The following COL6A3 variants were observed in gnomAD, a reference collection of about 807,000 sequenced individuals.
COL6A3 encodes collagen type VI alpha 3 chain.
A neutral mutation model predicts 274.1 loss-of-function variants in COL6A3; 137 were observed. The ratio of observed to expected loss-of-function variants is 0.50; its 90% CI spans 0.44 to 0.58. The LOEUF (loss-of-function observed/expected upper bound fraction) is 0.58, where lower values mean the gene tolerates loss of function less well. Ranked by LOEUF, COL6A3 falls within the 20% of genes least tolerant of loss-of-function variation. The pLI is 0.00. For missense variants in COL6A3, 3,950 were observed against 4,124.9 expected (o/e 0.96, Z 1.16); for synonymous variants, 1,650 against 1,650.6 (o/e 1.00, Z 0.01).
intron 42 of COL6A3, 97 bp from the exon 43 acceptor site, chr2:237,325,821 G>C (rs1218218525): frequency 1.4e-5 from 15 of 1,060,260 alleles, no homozygotes; most frequent in Non-Finnish European, 1.9e-5. Context: ...TACTGTGGCA[G>C]AAGGAAAAAA....
Position 237,361,199 on chromosome 2 carries a change from T to G in COL6A3, c.6157-25A>C, listed in dbSNP as rs887626374. 2 of 1,611,074 alleles carry G rather than the reference T, an allele frequency of 1.2e-6. No homozygotes were observed. Among genetic ancestry groups the G allele is most frequent in the African/African-American group, 2.7e-5 (2 of 74,870 alleles). ...CCTGAAACAAAGTAATCGGGTCCTC[T>G]GTTTAATCCCGTGGTCTTCTTTGCT... is the stretch of plus-strand genomic sequence containing the variant. On this transcript the variant is annotated intron_variant, in intron 15 of 43. Transcript: ENST00000295550. The surrounding 1 kb of genome is among the most constrained non-coding windows in gnomAD (Gnocchi z 5.1).
chr2:237,353,242 T>A, intron 25 of COL6A3, 99 bp downstream of exon 25: 1 of 1,202,456 alleles, frequency 8.3e-7, no homozygotes, highest in Non-Finnish European at 1.2e-6. Context: ...ATTGTTCACT[T>A]TAAAATGGTT....
intron 37 of COL6A3, among the ~76,000 whole-genome samples, chr2:237,341,413 G>T (rs111439101): frequency 6.6e-6 from 1 of 151,836 alleles, no homozygotes; most frequent in African/African-American, 2.4e-5. Context: ...GCCTGATGGC[G>T]CATGCCTGTA....
intron 1 of COL6A3, among the ~76,000 whole-genome samples, chr2:237,401,167 G>T (rs1246436975): frequency 1.3e-5 from 2 of 152,130 alleles, no homozygotes; most frequent in East Asian, 1.9e-4. Context: ...GGAAAGGCTA[G>T]CCTCCATCGT....
chr2:237,324,735 C>A lies in COL6A3; in HGVS notation c.*39G>T, dbSNP rs1699841149. 1 of 1,608,532 alleles carries A rather than the reference C, an allele frequency of 6.2e-7. No homozygotes were observed. The highest frequency in any genetic ancestry group is 1.3e-5 in the African/African-American group (1 of 74,694). On this transcript the variant is annotated 3_prime_UTR_variant, in exon 44 of 44. Coordinates refer to ENST00000295550, the MANE Select transcript of COL6A3 (RefSeq NM_004369.4). ...GAGACAAGTTGGCGATGGCTGACTCCTTCTTCTTCAAGAGGTATATGATGT... is the reference window on the plus strand; with the variant it reads ...GAGACAAGTTGGCGATGGCTGACTCATTCTTCTTCAAGAGGTATATGATGT...
Position 237,371,471 on chromosome 2 carries a change from A to G in COL6A3, c.4285+261T>C. On this transcript the variant is annotated intron_variant, in intron 9 of 43. Coordinates refer to ENST00000295550, the MANE Select transcript of COL6A3 (RefSeq NM_004369.4). The surrounding 1 kb of genome is among the most constrained non-coding windows in gnomAD (Gnocchi z 4.3). ...AAATTAGCCGGGCGTGGTGGTATGA[A>G]CCTGTAGTCCTAGCTACTGAGGAGG... is the stretch of plus-strand genomic sequence containing the variant. 1.8e-6 allele frequency: 1 copy of G among 565,240 alleles called. No homozygotes were observed. The highest frequency in any genetic ancestry group is 4.7e-5 in the South Asian group (1 of 21,304). The allele number at this position is 565,240 out of a possible 1,614,324, so 35.0% of individuals were successfully genotyped here. A position where few individuals can be genotyped will look rare whatever the true frequency, so the allele number is the denominator to read the frequency against.
At position 237,395,004 on chromosome 2, in the gene COL6A3, T is replaced by G. The variant is rs76646066; in HGVS notation, c.292A>C (p.Thr98Pro). 6.2e-7 allele frequency: 1 copy of G among 1,614,212 alleles called. No individual in the cohort carries two copies. The highest frequency in any genetic ancestry group is 8.5e-7 in the Non-Finnish European group (1 of 1,180,032). ...HTEFLLNTYR[T>P]KQEVLSHISN... ...ATATGAGAAAGGACTTCTTGTTTAG[T>G]ACGATACGTATTTAACAGGAACTCG... The change falls in exon 3 of 44, where the codon ACT (threonine) becomes CCT (proline). Residue 98 changes from threonine to proline, a missense_variant. By Grantham distance (38) the Thr-to-Pro change is conservative. This residue lies in a region of COL6A3 where 1,934 missense variants were observed against 1,984.3 expected (regional missense o/e 0.97). Coordinates refer to ENST00000295550, the MANE Select transcript of COL6A3 (RefSeq NM_004369.4).
chr2:237,347,916 A>G (rs376549394), intron 30 of COL6A3, 47 bp from the exon 31 acceptor site: 6 of 1,564,458 alleles, frequency 3.8e-6, no homozygotes, highest in Admixed American at 1.8e-5. Flanking sequence ...GGAACAGAAG[A>G]TCTCACTGAG....
intron 8 of COL6A3, among the ~76,000 whole-genome samples, chr2:237,372,959 G>A (rs1231750222): frequency 6.6e-6 from 1 of 152,200 alleles, no homozygotes; most frequent in Non-Finnish European, 1.5e-5. Context: ...AGAGGAAAGG[G>A]AGCTGAGGAA....
intron 1 of COL6A3, among the ~76,000 whole-genome samples, chr2:237,410,350 C>T (rs969549573): frequency 1.4e-5 from 2 of 146,980 alleles, no homozygotes; most frequent in East Asian, 2.0e-4. Context: ...GTCGCCCAGG[C>T]GCTGAAGTGC....
chr2:237,408,623 CAGT>C (rs1469569619), intron 1 of COL6A3, among the ~76,000 whole-genome samples: 1 of 152,196 alleles, frequency 6.6e-6, no homozygotes, highest in Non-Finnish European at 1.5e-5. Context: ...CTCTTCCTTC[CAGT>C]GACCAATTCC....
chr2:237,357,532 G>A, intron 22 of COL6A3, 141 bp from the exon 23 acceptor site: 2 of 871,490 alleles, frequency 2.3e-6, no homozygotes, highest in Admixed American at 1.7e-5. Context: ...CACTTTGCAG[G>A]ATGCACCGGA....
Position 237,381,068 on chromosome 2 carries a change from T to C in COL6A3, c.1744A>G (p.Ile582Val). 1 of 1,614,218 alleles carries C rather than the reference T, an allele frequency of 6.2e-7. No individual in the cohort carries two copies. The highest frequency in any genetic ancestry group is 8.5e-7 in the Non-Finnish European group (1 of 1,180,036). The change falls in exon 5 of 44, where the codon ATT becomes GTT. Residue 582 changes from isoleucine (I) to valine (V), a missense_variant. Physicochemically the swap from Ile to Val is conservative, Grantham distance 29 (BLOSUM62 3). Coordinates refer to ENST00000295550, the MANE Select transcript of COL6A3 (RefSeq NM_004369.4). Reference sequence around the variant, plus strand: ...GCCTGATCGGCACCCTTGTTCCCAATGGCAAAGGCCATTATGCTGCTTCTC... The same window carrying C: ...GCCTGATCGGCACCCTTGTTCCCAACGGCAAAGGCCATTATGCTGCTTCTC... ...LKRSSIMAFA[I>V]GNKGADQAEL...
At position 237,371,754 on chromosome 2, in the gene COL6A3, G is replaced by T; in HGVS notation, c.4263C>A (p.Ala1421=). The change falls in exon 9 of 44, where the codon GCC becomes GCA. Residue 1421 remains alanine, a synonymous_variant. Transcript: ENST00000295550. The surrounding 1 kb of genome is among the most constrained non-coding windows in gnomAD (Gnocchi z 4.3). ...LTSEQIQKLL[A]STRYPPPAVE... The stretch of plus-strand genomic sequence containing the variant: ...CACCTGGAGGTGGATAGCGAGTGCT[G>T]GCTAAGAGCTTCTGGATCTGCTCTG... 1 of 1,604,482 alleles carries T rather than the reference G, an allele frequency of 6.2e-7. No homozygotes were observed. Among genetic ancestry groups the T allele is most frequent in the South Asian group, 1.1e-5 (1 of 90,074 alleles).
intron 1 of COL6A3, among the ~76,000 whole-genome samples, chr2:237,402,863 T>C (rs915586825): frequency 6.6e-6 from 1 of 152,206 alleles, no homozygotes; most frequent in Admixed American, 6.5e-5. Context: ...CCCCATGGGC[T>C]CTGCAAGTCT....
intron 1 of COL6A3, among the ~76,000 whole-genome samples, chr2:237,406,086 T>A (rs2078711952): frequency 6.6e-6 from 1 of 152,192 alleles, no homozygotes; most frequent in Non-Finnish European, 1.5e-5. Flanking sequence ...AGGTGCCTTT[T>A]TCCGTTTAGT....
intron 31 of COL6A3, among the ~76,000 whole-genome samples, chr2:237,347,204 G>A (rs1042037736): frequency 6.6e-6 from 1 of 152,022 alleles, no homozygotes; most frequent in Non-Finnish European, 1.5e-5. Context: ...GATCCCAGGA[G>A]ATGGAGGTTG....
At position 237,336,161 on chromosome 2, in the gene COL6A3, G is replaced by A. The variant is rs1286632582; in HGVS notation, c.8939C>T (p.Thr2980Ile). The part of the protein sequence containing the change: ...PRPQAAKPAA[T>I]KPATTKPMVK... ...CATGGGCTTAGTGGTGGCTGGCTTG[G>A]TGGCAGCTGGTTTGGCTGCCTGTGG... Residue 2980 changes from threonine to isoleucine, a missense_variant, in exon 40 of 44, where the codon ACC becomes ATC. Thr to Ile is a moderately conservative substitution (Grantham distance 89, BLOSUM62 -1). This residue lies in a region of COL6A3 where 1,284 missense variants were observed against 1,349.7 expected (regional missense o/e 0.95). Coordinates refer to ENST00000295550, the MANE Select transcript of COL6A3 (RefSeq NM_004369.4). The A allele has an allele frequency of 6.8e-6, 11 of 1,613,328 alleles. No homozygotes were observed. Among genetic ancestry groups the A allele is most frequent in the Admixed American group, 5.0e-5 (3 of 60,008 alleles).
chr2:237,344,001 A>T lies in COL6A3; in HGVS notation c.7668+349T>A. The T allele has an allele frequency of 2.6e-6, 1 of 382,922 alleles. No individual in the cohort carries two copies. The highest frequency in any genetic ancestry group is 2.2e-5 in the South Asian group (1 of 46,264). The allele number at this position is 382,922 out of a possible 1,614,324, so 23.7% of individuals were successfully genotyped here. A position where few individuals can be genotyped will look rare whatever the true frequency, so the allele number is the denominator to read the frequency against. ...GCACAGGGGGCCATCTTGGGAGGAG[A>T]CAGGAAGGATGCAAACGTCCAGGTC... On this transcript the variant is annotated intron_variant, in intron 36 of 43. Transcript: ENST00000295550. The surrounding 1 kb of genome is among the most constrained non-coding windows in gnomAD (Gnocchi z 4.8).
Sources: allele counts gnomAD v4.1 joint callset (sites outside exome capture counted in the v4.1 genomes callset), GRCh38; gene constraint gnomAD v4.1.1; regional missense constraint gnomAD v4.1.1; non-coding constraint Gnocchi (gnomAD v3.1); transcripts MANE v1.5; gene names NCBI Gene and HGNC (gene_info 2026-07-23, HGNC 2026-07-21).